Variants in ZEB1 observed in about 807,000 individuals in gnomAD.
ZEB1 encodes the protein zinc finger E-box binding homeobox 1.
In ZEB1, 21 loss-of-function variants were observed where a neutral mutation model predicts 84.9. The observed-to-expected ratio is 0.25, with a 90% CI of 0.18 to 0.36. The LOEUF is 0.36. ZEB1 is among the 10% of genes least tolerant of loss of function. The probability of loss-of-function intolerance (pLI) is 1.00; values close to 1 mark genes in which losing one functional copy is unlikely to be tolerated. For missense variants in ZEB1, 1,104 were observed against 1,330.2 expected (o/e 0.83, Z 2.65); for synonymous variants, 420 against 471.1 (o/e 0.89, Z 1.41).
rs199954997 is a variant in ZEB1, at chr10:31,468,575, GA to G, written c.259+7339del. ...CCTCCAACTTTGCATCTCTATAGGA[GA>G]CAGTGAGCCTTACCACATATACAGC... On this transcript the variant is annotated intron_variant, in intron 2 of 8. Coordinates refer to ENST00000424869, the MANE Select transcript of ZEB1 (RefSeq NM_001174096.2). Among the ~76,000 whole-genome samples the G allele has an allele frequency of 7.0e-3, 1,065 of 152,276 alleles. 12 individuals carry two copies. Among genetic ancestry groups the G allele is most frequent in the African/African-American group, 0.023 (976 of 41,542 alleles).
rs1340969576 is a variant in ZEB1 at position 31,521,551 on chromosome 10, T to A, written c.2219T>A (p.Leu740Gln). Residue 740 changes from leucine (L) to glutamine (Q), a missense_variant, in exon 7 of 9, where the codon CTA (leucine) becomes CAA (glutamine). By Grantham distance (113) the Leu-to-Gln change is moderately radical. This residue lies in a region of ZEB1 where 531 missense variants were observed against 575.2 expected (regional missense o/e 0.92). Coordinates refer to ENST00000424869, the MANE Select transcript of ZEB1 (RefSeq NM_001174096.2). Reference protein sequence around the residue: ...EPQVEPLDLSLPKQQGELLER... With the variant: ...EPQVEPLDLSQPKQQGELLER... ...CAAGTAGAACCTCTTGATCTTTCAC[T>A]ACCAAAGCAACAGGGAGAATTATTA... The A allele has an allele frequency of 6.2e-7, 1 of 1,614,106 alleles. No homozygotes were observed. Among genetic ancestry groups the A allele is most frequent in the Non-Finnish European group, 8.5e-7 (1 of 1,180,014 alleles).
chr10:31,396,607 G>C lies in ZEB1; in HGVS notation c.59-64430G>C, dbSNP rs151303422. Among the ~76,000 whole-genome samples, 69 of 152,180 alleles carry C rather than the reference G, an allele frequency of 4.5e-4. No homozygotes were observed. The East Asian group carries it at 0.012, about 26-fold the overall frequency. On this transcript the variant is annotated intron_variant, in intron 1 of 8. Coordinates refer to ENST00000424869, the MANE Select transcript of ZEB1 (RefSeq NM_001174096.2). ...CAGACTGTAGCAGAAATCACAAGCTGGTGTGAGGAGAGAGAGAAAAGCTTC... is the reference window on the plus strand; with the variant it reads ...CAGACTGTAGCAGAAATCACAAGCTCGTGTGAGGAGAGAGAGAAAAGCTTC...
In ZEB1 at chr10:31,521,152, C is replaced by T. The variant is rs1222596416; in HGVS notation, c.1820C>T (p.Pro607Leu). 3 of 1,613,910 alleles carry T rather than the reference C, an allele frequency of 1.9e-6. No individual in the cohort carries two copies. In the African/African-American group the frequency reaches 4.0e-5, roughly 22 times the overall value. The change falls in exon 7 of 9, where the codon CCA becomes CTA. Residue 607 changes from proline to leucine, a missense_variant. Around this residue, in one of 7 missense-constraint regions of ZEB1, gnomAD observed 531 missense variants for 575.2 expected, o/e 0.92. Transcript: ENST00000424869. ...GCATATTATGCTTTGAATGCACAAC[C>T]AAGTGCAGAAGAGCTCTCAAAAATT... ...LKAYYALNAQ[P>L]SAEELSKIAD...
chr10:31,520,067 T>G lies in ZEB1; in HGVS notation c.794-59T>G. On this transcript the variant is annotated intron_variant, in intron 6 of 8. Coordinates refer to ENST00000424869, the MANE Select transcript of ZEB1 (RefSeq NM_001174096.2). The surrounding 1 kb of genome is among the most constrained non-coding windows in gnomAD (Gnocchi z 5.1). The stretch of plus-strand genomic sequence containing the variant: ...ACCGCTTGTTTTAGGGAAATGAGGA[T>G]ACATAAAAATTTATATGTAATAATT... 6.3e-7 allele frequency: 1 copy of G among 1,581,176 alleles called. No homozygotes were observed. Among genetic ancestry groups the G allele is most frequent in the Non-Finnish European group, 8.6e-7 (1 of 1,165,414 alleles).
chr10:31,354,015 T>C (rs1173824449), intron 1 of ZEB1, among the ~76,000 whole-genome samples: 1 of 152,168 alleles, frequency 6.6e-6, no homozygotes, highest in Non-Finnish European at 1.5e-5. Flanking sequence ...TGGATGCTAG[T>C]GATTAGATAT....
At chr10:31,453,953 C>T (rs1000944202) in intron 1 of ZEB1, among the ~76,000 whole-genome samples, 1 of 152,010 alleles carries the variant, frequency 6.6e-6, no homozygotes, top group East Asian at 1.9e-4. Context: ...AGAGACACAA[C>T]AAAAAAGGAA....
chr10:31,437,443 A>G (rs570692633), intron 1 of ZEB1, among the ~76,000 whole-genome samples: 1 of 152,348 alleles, frequency 6.6e-6, no homozygotes, highest in East Asian at 1.9e-4. Context: ...ACTAAACTCT[A>G]GTTACCTATA....
intron 3 of ZEB1, among the ~76,000 whole-genome samples, chr10:31,499,112 CA>C (rs71027028): frequency 3.9e-5 from 6 of 151,948 alleles, no homozygotes; most frequent in Admixed American, 2.6e-4. Flanking sequence ...TTGTTGAAAA[CA>C]AAAATTTAAA....
chr10:31,442,576 AAG>A (rs2059163625), intron 1 of ZEB1, among the ~76,000 whole-genome samples: 1 of 152,268 alleles, frequency 6.6e-6, no homozygotes, highest in Non-Finnish European at 1.5e-5. Context: ...ATAAAAAAAA[AAG>A]AAATCCAAGT....
intron 1 of ZEB1, among the ~76,000 whole-genome samples, chr10:31,346,713 C>T (rs1309083044): frequency 2.0e-5 from 3 of 151,634 alleles, no homozygotes; most frequent in African/African-American, 7.3e-5. Flanking sequence ...ACCGTTTTTT[C>T]GCTGCCTTTA....
Position 31,527,340 on chromosome 10 carries a change from C to T in ZEB1, c.*76C>T. The stretch of plus-strand genomic sequence containing the variant: ...ATATTATCCTTGCTTTTCATGGAAA[C>T]ACAGTAACCTGTATGCTGTGATTCC... On this transcript the variant is annotated 3_prime_UTR_variant, in exon 9 of 9. Transcript: ENST00000424869. 6.5e-7 allele frequency: 1 copy of T among 1,534,518 alleles called. No individual in the cohort carries two copies. Among genetic ancestry groups the T allele is most frequent in the Non-Finnish European group, 8.7e-7 (1 of 1,144,060 alleles).
At chr10:31,470,534 G>C (rs1329457649) in intron 2 of ZEB1, among the ~76,000 whole-genome samples, 1 of 93,110 alleles carries the variant, frequency 1.1e-5, no homozygotes, top group Non-Finnish European at 2.3e-5. Flanking sequence ...AAAGAAATGA[G>C]CAAAGCCTCC....
chr10:31,465,418 CTG>C (rs1174474428), intron 2 of ZEB1, among the ~76,000 whole-genome samples: 4 of 151,180 alleles, frequency 2.6e-5, no homozygotes, highest in African/African-American at 4.9e-5. Flanking sequence ...AAGAAAAAAA[CTG>C]TGTTAGATAC....
chr10:31,510,616 CTT>C, intron 4 of ZEB1, 55 bp from the exon 5 acceptor site: 2 of 1,474,244 alleles, frequency 1.4e-6, no homozygotes, highest in Non-Finnish European at 9.4e-7. Flanking sequence ...TCAGTGGAAA[CTT>C]TGGTAATATT....
chr10:31,321,195 G>T (rs2033945062), intron 1 of ZEB1: 2 of 1,098,590 alleles, frequency 1.8e-6, no homozygotes, highest in Non-Finnish European at 2.2e-6. Context: ...GGCAATTTTA[G>T]ATTTTGTGTG....
At chr10:31,391,890 CAG>C (rs1467844421) in intron 1 of ZEB1, among the ~76,000 whole-genome samples, 5 of 152,102 alleles carry the variant, frequency 3.3e-5, no homozygotes, top group Admixed American at 1.3e-4. Flanking sequence ...ATCATATTCT[CAG>C]AGGATTTCAT....
intron 2 of ZEB1, among the ~76,000 whole-genome samples, chr10:31,463,471 C>A (rs2062034512): frequency 6.6e-6 from 1 of 152,120 alleles, no homozygotes; most frequent in African/African-American, 2.4e-5. Flanking sequence ...ATTTGCCTAG[C>A]CAGTGAAATG....
chr10:31,321,065 C>G (rs2033888311), intron 1 of ZEB1: 5 of 840,534 alleles, frequency 5.9e-6, no homozygotes, highest in Non-Finnish European at 7.2e-6. Context: ...GTCGAGAAAA[C>G]GAGGAAATAC....
intron 2 of ZEB1, among the ~76,000 whole-genome samples, chr10:31,468,722 A>C (rs2062761821): frequency 6.6e-6 from 1 of 152,170 alleles, no homozygotes; most frequent in African/African-American, 2.4e-5. Flanking sequence ...AGCAAAGCCA[A>C]AGGACACAAC....
Sources: gnomAD v4.1 joint callset for allele counts (sites outside exome capture counted in the v4.1 genomes callset) on GRCh38, gnomAD v4.1.1 for gene constraint, gnomAD v4.1.1 regional missense constraint, Gnocchi (gnomAD v3.1) non-coding constraint, MANE v1.5 for transcripts, NCBI Gene and HGNC (gene_info 2026-07-23, HGNC 2026-07-21) for gene names.